The following KCNIP4 variants were observed in gnomAD, a reference collection of about 807,000 sequenced individuals.
KCNIP4 encodes the protein Kv channel-interacting protein 4.
KCNIP4 carries 12 observed loss-of-function variants against 34.0 expected under a neutral mutation model. That is an observed-to-expected ratio of 0.35 (90% CI 0.23 to 0.57). The LOEUF is 0.57. Ranked by LOEUF, KCNIP4 falls within the 20% of genes least tolerant of loss-of-function variation. The pLI, the probability that KCNIP4 is intolerant of heterozygous loss-of-function variation, is 0.83. For synonymous variants in KCNIP4, 124 were observed against 102.2 expected (o/e 1.21, Z -1.29); for missense variants, 238 against 311.7 (o/e 0.76, Z 1.78).
At chr4:21,037,787 G>T (rs988690400) in intron 1 of KCNIP4, among the ~76,000 whole-genome samples, 2 of 151,774 alleles carry the variant, frequency 1.3e-5, no homozygotes, top group African/African-American at 2.4e-5. Context: ...AAAAGGTCTC[G>T]CAAACCCTCA....
At chr4:20,965,586 T>C (rs1734262253) in intron 1 of KCNIP4, among the ~76,000 whole-genome samples, 1 of 152,212 alleles carries the variant, frequency 6.6e-6, no homozygotes, top group African/African-American at 2.4e-5. Flanking sequence ...TTCTGGTCTC[T>C]CTGGAGTGTG....
chr4:20,772,013 T>G (rs1202126029), intron 3 of KCNIP4, among the ~76,000 whole-genome samples: 1 of 152,188 alleles, frequency 6.6e-6, no homozygotes, highest in African/African-American at 2.4e-5. Flanking sequence ...TGCTGGGCAC[T>G]GAGCCATGTG....
At chr4:21,388,189 A>G (rs1722211707) in intron 1 of KCNIP4, among the ~76,000 whole-genome samples, 1 of 150,552 alleles carries the variant, frequency 6.6e-6, no homozygotes, top group African/African-American at 2.5e-5. Flanking sequence ...ATAACGGATT[A>G]CCATCACTAA....
chr4:21,029,313 C>T (rs1481956147), intron 1 of KCNIP4, among the ~76,000 whole-genome samples: 1 of 152,072 alleles, frequency 6.6e-6, no homozygotes, highest in African/African-American at 2.4e-5. Context: ...TTCCTGAGTG[C>T]AAAGTTGTTA....
chr4:21,829,334 G>A (rs879647081), intron 1 of KCNIP4, among the ~76,000 whole-genome samples: 1 of 151,992 alleles, frequency 6.6e-6, no homozygotes, highest in South Asian at 2.1e-4. Context: ...ACACTGAAAG[G>A]GGGTGATGGT....
chr4:21,664,760 T>C (rs1748709928), intron 1 of KCNIP4, among the ~76,000 whole-genome samples: 1 of 152,190 alleles, frequency 6.6e-6, no homozygotes, highest in East Asian at 1.9e-4. Context: ...CCATGCCACC[T>C]ATAGACTATT....
rs552006298 is a variant in KCNIP4, at chr4:21,307,555, A to C, written c.62-424846T>G. Among the ~76,000 whole-genome samples the C allele has an allele frequency of 2.6e-5, 4 of 152,196 alleles. No homozygotes were observed. In the South Asian group the frequency reaches 8.3e-4, roughly 32 times the overall value. On this transcript the variant is annotated intron_variant, in intron 1 of 8. Transcript: ENST00000382152. ...TAAACTCCTACCCATGAGGGTAGAG[A>C]TTTTTGTTTGTCTTGTTCAATATAA...
In KCNIP4 at chr4:21,226,246, GGA is replaced by G. The variant is rs1758377343; in HGVS notation, c.62-343539_62-343538del. 5.2e-5 allele frequency among the ~76,000 whole-genome samples: 4 copies of G among 76,826 alleles called. 1 individual carries two copies. In the African/African-American group the frequency reaches 5.8e-4, roughly 11 times the overall value. 50.4% of individuals were successfully genotyped at this position (76,826 alleles called of 152,430 possible). A position where few individuals can be genotyped will look rare whatever the true frequency, so the allele number is the denominator to read the frequency against. ...GGGCAGCATAGGGGGAGGGAGGGGG[GGA>G]GGGAGGGAGGGAGGGAGGGAGGGCG... On this transcript the variant is annotated intron_variant, in intron 1 of 8. Coordinates refer to ENST00000382152, the MANE Select transcript of KCNIP4 (RefSeq NM_025221.6).
chr4:21,703,122 T>A (rs2109065072), intron 1 of KCNIP4, among the ~76,000 whole-genome samples: 1 of 152,034 alleles, frequency 6.6e-6, no homozygotes, highest in Non-Finnish European at 1.5e-5. Flanking sequence ...AAAGAACATC[T>A]ACAAAAACCT....
At chr4:21,691,962 T>C (rs148406541) in intron 1 of KCNIP4, among the ~76,000 whole-genome samples, 1 of 152,084 alleles carries the variant, frequency 6.6e-6, no homozygotes, top group Non-Finnish European at 1.5e-5. Context: ...CCTCCCAAAG[T>C]GCCGGGATTA....
intron 1 of KCNIP4, among the ~76,000 whole-genome samples, chr4:21,827,651 A>G (rs1412297552): frequency 2.0e-5 from 3 of 152,034 alleles, no homozygotes; most frequent in Non-Finnish European, 2.9e-5. Context: ...ATATAGAACC[A>G]CAAAATAAAT....
At chr4:21,710,657 C>T (rs1001812560) in intron 1 of KCNIP4, among the ~76,000 whole-genome samples, 1 of 152,142 alleles carries the variant, frequency 6.6e-6, no homozygotes, top group Non-Finnish European at 1.5e-5. Flanking sequence ...GTGGAATGAG[C>T]CCTGGACTGA....
chr4:21,919,765 C>G, intron 1 of KCNIP4, among the ~76,000 whole-genome samples: 1 of 152,188 alleles, frequency 6.6e-6, no homozygotes. Context: ...GAATATTTCC[C>G]TTTATTTTCT....
intron 1 of KCNIP4, among the ~76,000 whole-genome samples, chr4:21,832,228 G>C (rs1285470381): frequency 2.0e-5 from 3 of 152,160 alleles, no homozygotes; most frequent in Non-Finnish European, 4.4e-5. Flanking sequence ...ATTAGGTATA[G>C]ATGATAATAA....
chr4:21,078,257 G>T (rs1201447534), intron 1 of KCNIP4, among the ~76,000 whole-genome samples: 1 of 152,074 alleles, frequency 6.6e-6, no homozygotes, highest in Non-Finnish European at 1.5e-5. Context: ...TCTAGTTTGG[G>T]TAACTAGGAT....
intron 1 of KCNIP4, among the ~76,000 whole-genome samples, chr4:21,940,948 C>A (rs187309547): frequency 6.6e-6 from 1 of 152,132 alleles, no homozygotes; most frequent in African/African-American, 2.4e-5. Flanking sequence ...GTATCTTTGC[C>A]TTTAGATGTA....
At chr4:21,787,250 A>G (rs1719972760) in intron 1 of KCNIP4, among the ~76,000 whole-genome samples, 1 of 152,212 alleles carries the variant, frequency 6.6e-6, no homozygotes, top group Admixed American at 6.5e-5. Context: ...TCCATTCCCA[A>G]GATTCTCATG....
At position 20,885,101 on chromosome 4, in the gene KCNIP4, C is replaced by T. The variant is rs1269936534; in HGVS notation, c.62-2392G>A. Among the ~76,000 whole-genome samples, 5 of 152,196 alleles carry T rather than the reference C, an allele frequency of 3.3e-5. No homozygotes were observed. The East Asian group carries it at 9.7e-4, about 29-fold the overall frequency. ...AAAAGAAGAAAGACCTCCTCCCTCC[C>T]CTGCTTCCCAAGCTAACTTTGGGAG... is the stretch of plus-strand genomic sequence containing the variant. On this transcript the variant is annotated intron_variant, in intron 1 of 8. Transcript: ENST00000382152.
chr4:21,855,554 A>G (rs1724697087), intron 1 of KCNIP4: 1 of 152,216 alleles, frequency 6.6e-6, no homozygotes, highest in African/African-American at 2.4e-5. Flanking sequence ...ATTGTTAAAA[A>G]TATGCACATT....
Sources: allele counts gnomAD v4.1 joint callset (sites outside exome capture counted in the v4.1 genomes callset), GRCh38; gene constraint gnomAD v4.1.1; transcripts MANE v1.5; gene names NCBI Gene and HGNC (gene_info 2026-07-23, HGNC 2026-07-21).